The following KCNH8 variants were observed in gnomAD, a reference collection of about 807,000 sequenced individuals.
KCNH8 encodes voltage-gated delayed rectifier potassium channel KCNH8.
KCNH8 carries 70 observed loss-of-function variants against 103.6 expected under a neutral mutation model. The observed-to-expected ratio is 0.68, with a 90% CI of 0.56 to 0.82. The LOEUF (loss-of-function observed/expected upper bound fraction) is 0.82, where lower values mean the gene tolerates loss of function less well. Ranked by LOEUF, KCNH8 falls within the 40% of genes least tolerant of loss-of-function variation. The pLI, the probability that KCNH8 is intolerant of heterozygous loss-of-function variation, is 0.00. For synonymous variants in KCNH8, 498 were observed against 489.4 expected (o/e 1.02, Z -0.23); for missense variants, 1,217 against 1,329.9 (o/e 0.92, Z 1.32).
intron 7 of KCNH8, among the ~76,000 whole-genome samples, chr3:19,426,624 G>A (rs2067032900): frequency 6.6e-6 from 1 of 151,464 alleles, no homozygotes; most frequent in African/African-American, 2.4e-5. Flanking sequence ...ACTGAATGTT[G>A]TGAGTTTAAA....
chr3:19,284,922 AAAG>A (rs2064810819), intron 3 of KCNH8, among the ~76,000 whole-genome samples: 1 of 151,404 alleles, frequency 6.6e-6, no homozygotes, highest in Admixed American at 6.6e-5. Context: ...AAAGAAAAGA[AAAG>A]AAAAAGAAAG....
chr3:19,361,100 A>C (rs968001732), intron 5 of KCNH8, among the ~76,000 whole-genome samples: 2 of 152,114 alleles, frequency 1.3e-5, no homozygotes, highest in Non-Finnish European at 2.9e-5. Context: ...TATATGTAGT[A>C]TTCTAACAAT....
At position 19,440,333 on chromosome 3, in the gene KCNH8, G is replaced by A. The variant is rs187546927; in HGVS notation, c.1375+1972G>A. Reference sequence around the variant, plus strand: ...TCAACCATTTATGTATTCAAATATTGTATTAGTTAATTCTCACACTGCTAA... The same window carrying A: ...TCAACCATTTATGTATTCAAATATTATATTAGTTAATTCTCACACTGCTAA... On this transcript the variant is annotated intron_variant, in intron 8 of 15. Coordinates refer to ENST00000328405, the MANE Select transcript of KCNH8 (RefSeq NM_144633.3). Among the ~76,000 whole-genome samples the A allele has an allele frequency of 1.9e-3, 290 of 152,234 alleles. 2 individuals are homozygous for A. Among genetic ancestry groups the A allele is most frequent in the African/African-American group, 6.4e-3 (266 of 41,542 alleles).
intron 11 of KCNH8, among the ~76,000 whole-genome samples, chr3:19,493,867 T>G (rs1025653516): frequency 3.3e-5 from 5 of 152,184 alleles, no homozygotes; most frequent in African/African-American, 1.2e-4. Context: ...AACTTTTATT[T>G]TAGGTTCAGG....
At chr3:19,506,080 C>T (rs1237003279) in intron 11 of KCNH8, among the ~76,000 whole-genome samples, 1 of 152,158 alleles carries the variant, frequency 6.6e-6, no homozygotes, top group African/African-American at 2.4e-5. Context: ...CATTAGATTC[C>T]TTGTACTGGG....
At chr3:19,376,050 T>C (rs2066193228) in intron 5 of KCNH8, among the ~76,000 whole-genome samples, 1 of 152,110 alleles carries the variant, frequency 6.6e-6, no homozygotes, top group South Asian at 2.1e-4. Flanking sequence ...TGCTGTCTTT[T>C]TGTTTGTCTG....
chr3:19,213,517 C>T (rs2063790139), intron 1 of KCNH8, among the ~76,000 whole-genome samples: 1 of 152,138 alleles, frequency 6.6e-6, no homozygotes, highest in South Asian at 2.1e-4. Context: ...ATTTCTCTTT[C>T]CCACCAAAAT....
At chr3:19,522,911 T>G (rs1180950879) in intron 15 of KCNH8, among the ~76,000 whole-genome samples, 3 of 151,878 alleles carry the variant, frequency 2.0e-5, no homozygotes, top group Non-Finnish European at 2.9e-5. Context: ...TTAGAAAGTA[T>G]TTCAGTTTTA....
chr3:19,246,787 T>C (rs568293681), intron 1 of KCNH8, among the ~76,000 whole-genome samples: 183 of 152,214 alleles, frequency 1.2e-3, no homozygotes, highest in African/African-American at 4.2e-3. Flanking sequence ...TGTTAAAATG[T>C]GGGTTAAGTT....
intron 5 of KCNH8, among the ~76,000 whole-genome samples, chr3:19,355,086 A>T (rs2065861737): frequency 6.6e-6 from 1 of 152,338 alleles, no homozygotes; most frequent in East Asian, 1.9e-4. Context: ...ATGAACAGAC[A>T]CTTCTCAAAA....
At chr3:19,369,989 G>A (rs1317899521) in intron 5 of KCNH8, among the ~76,000 whole-genome samples, 1 of 152,020 alleles carries the variant, frequency 6.6e-6, no homozygotes, top group African/African-American at 2.4e-5. Context: ...TTAATAAAGT[G>A]TATGCCTGAT....
chr3:19,375,873 T>C (rs1320994919), intron 5 of KCNH8, among the ~76,000 whole-genome samples: 2 of 152,118 alleles, frequency 1.3e-5, no homozygotes, highest in Non-Finnish European at 1.5e-5. Context: ...CTGTGTGAGG[T>C]GTCAGTGTGC....
intron 11 of KCNH8, among the ~76,000 whole-genome samples, chr3:19,458,077 T>A (rs1559336724): frequency 6.6e-6 from 1 of 152,030 alleles, no homozygotes; most frequent in Non-Finnish European, 1.5e-5. Context: ...AGGTAAGTCT[T>A]GATCTATTTT....
At chr3:19,227,304 T>C (rs1311155220) in intron 1 of KCNH8, among the ~76,000 whole-genome samples, 1 of 152,196 alleles carries the variant, frequency 6.6e-6, no homozygotes, top group African/African-American at 2.4e-5. Flanking sequence ...AATCTGTACA[T>C]CTAATGAGCC....
intron 1 of KCNH8, among the ~76,000 whole-genome samples, chr3:19,199,120 G>C (rs938574495): frequency 7.2e-5 from 11 of 152,016 alleles, no homozygotes; most frequent in African/African-American, 2.7e-4. Flanking sequence ...CTTTTACCAT[G>C]CTGCATATTA....
chr3:19,264,466 C>T (rs146394756), intron 2 of KCNH8, among the ~76,000 whole-genome samples: 6 of 152,048 alleles, frequency 3.9e-5, no homozygotes, highest in Admixed American at 3.3e-4. Context: ...AGGAGTTTTA[C>T]GTAAGTCCAG....
chr3:19,252,000 A>G lies in KCNH8; in HGVS notation c.77-1654A>G, dbSNP rs1329066143. On this transcript the variant is annotated intron_variant, in intron 1 of 15. Coordinates refer to ENST00000328405, the MANE Select transcript of KCNH8 (RefSeq NM_144633.3). ...CTGTAGTTTTTTCATTTTTATCTTT[A>G]TCTTTAAAATCCCAGTCTCTAACAC... Among the ~76,000 whole-genome samples, 4 of 152,220 alleles carry G rather than the reference A, an allele frequency of 2.6e-5. No individual in the cohort carries two copies. In the East Asian group the frequency reaches 7.7e-4, roughly 29 times the overall value.
intron 2 of KCNH8, among the ~76,000 whole-genome samples, chr3:19,255,453 T>C (rs1390821811): frequency 6.6e-6 from 1 of 152,134 alleles, no homozygotes; most frequent in African/African-American, 2.4e-5. Context: ...GAATACCCTG[T>C]ATTCCTTTCT....
At chr3:19,209,102 A>C (rs1336341525) in intron 1 of KCNH8, among the ~76,000 whole-genome samples, 1 of 152,110 alleles carries the variant, frequency 6.6e-6, no homozygotes, top group East Asian at 1.9e-4. Flanking sequence ...TAATATTCAC[A>C]AATATATGTG....
Sources: allele counts gnomAD v4.1 joint callset (sites outside exome capture counted in the v4.1 genomes callset), GRCh38; gene constraint gnomAD v4.1.1; transcripts MANE v1.5; gene names NCBI Gene and HGNC (gene_info 2026-07-23, HGNC 2026-07-21).